CAAP1: variants seen among roughly 807,000 people sequenced by gnomAD.
CAAP1 encodes conserved anti-apoptotic protein.
In CAAP1, 20 loss-of-function variants were observed where a neutral mutation model predicts 34.0. The observed-to-expected ratio is 0.59, with a 90% CI of 0.41 to 0.86. The LOEUF is 0.86. Among genes scored for constraint, CAAP1 ranks in the 40% least tolerant of loss-of-function variants. The pLI is 0.00. For missense variants in CAAP1, 538 were observed against 450.5 expected (o/e 1.19, Z -1.76); for synonymous variants, 213 against 166.7 (o/e 1.28, Z -2.14).
chr9:26,880,257 T>A, intron 4 of CAAP1: 1 of 411,542 alleles, frequency 2.4e-6, no homozygotes, highest in Non-Finnish European at 4.8e-6. Context: ...CAGATAGGCC[T>A]CACTTGCCTC....
At chr9:26,879,381 G>A (rs549794091) in intron 4 of CAAP1, among the ~76,000 whole-genome samples, 5 of 152,136 alleles carry the variant, frequency 3.3e-5, no homozygotes, top group South Asian at 4.2e-4. Flanking sequence ...AATGCTTTAC[G>A]TCCCTGAATT....
chr9:26,872,574 T>TATATATATATATATATATATA (rs1563888459), intron 4 of CAAP1, among the ~76,000 whole-genome samples: 2 of 138,202 alleles, frequency 1.4e-5, no homozygotes, highest in African/African-American at 6.1e-5. Context: ...ATATATATAT[T>TATATATATATATATATATATA]TAGACAGAGT....
intron 5 of CAAP1, among the ~76,000 whole-genome samples, chr9:26,847,444 G>A (rs1004461178): frequency 6.6e-5 from 10 of 151,512 alleles, no homozygotes; most frequent in African/African-American, 2.4e-4. Flanking sequence ...TCGATCTCCT[G>A]ACCTCGTGAT....
intron 5 of CAAP1, among the ~76,000 whole-genome samples, chr9:26,851,100 G>A (rs1016813002): frequency 6.6e-6 from 1 of 152,210 alleles, no homozygotes; most frequent in Non-Finnish European, 1.5e-5. Flanking sequence ...AAAGGCCTTA[G>A]AAGTAGGTGA....
chr9:26,852,598 A>G (rs1179035157), intron 5 of CAAP1, among the ~76,000 whole-genome samples: 1 of 152,180 alleles, frequency 6.6e-6, no homozygotes, highest in Non-Finnish European at 1.5e-5. Context: ...ACTGGTGTAA[A>G]TAAGTTTAGA....
intron 4 of CAAP1, among the ~76,000 whole-genome samples, chr9:26,877,812 T>C (rs1823480377): frequency 6.6e-6 from 1 of 152,038 alleles, no homozygotes; most frequent in Non-Finnish European, 1.5e-5. Flanking sequence ...CAGAAAAATT[T>C]TCCTGTATTT....
chr9:26,864,386 C>T (rs960014444), intron 4 of CAAP1, among the ~76,000 whole-genome samples: 37 of 151,892 alleles, frequency 2.4e-4, no homozygotes, highest in South Asian at 4.2e-4. Flanking sequence ...ATTTCTTGTC[C>T]AAATGTAAAA....
chr9:26,875,645 TCA>T (rs1020208099), intron 4 of CAAP1, among the ~76,000 whole-genome samples: 6 of 150,800 alleles, frequency 4.0e-5, no homozygotes, highest in African/African-American at 1.5e-4. Context: ...TCCCCTTCAA[TCA>T]GAGTCTCATT....
chr9:26,864,923 T>C (rs1056236921), intron 4 of CAAP1, among the ~76,000 whole-genome samples: 1 of 152,344 alleles, frequency 6.6e-6, no homozygotes, highest in Middle Eastern at 3.4e-3. Context: ...ACTTATTATG[T>C]TATGCAGAAC....
chr9:26,852,320 TG>T (rs1032216173), intron 5 of CAAP1, among the ~76,000 whole-genome samples: 64 of 152,146 alleles, frequency 4.2e-4, no homozygotes, highest in African/African-American at 1.4e-3. Flanking sequence ...CTGGGCGTGG[TG>T]GTGTGCACCT....
intron 4 of CAAP1, 95 bp from the exon 5 acceptor site, chr9:26,861,234 G>GAC (rs1226836382): frequency 3.7e-6 from 3 of 818,590 alleles, no homozygotes; most frequent in African/African-American, 1.7e-5. Context: ...CACTAGGGAA[G>GAC]ACAGGCTACA....
At chr9:26,847,580 G>A (rs1020790647) in intron 5 of CAAP1, among the ~76,000 whole-genome samples, 4 of 152,034 alleles carry the variant, frequency 2.6e-5, no homozygotes, top group Non-Finnish European at 4.4e-5. Context: ...TTTTCCACGT[G>A]TGTATTGCCT....
At chr9:26,860,311 G>A (rs1822972831) in intron 5 of CAAP1, among the ~76,000 whole-genome samples, 1 of 152,132 alleles carries the variant, frequency 6.6e-6, no homozygotes, top group South Asian at 2.1e-4. Context: ...CTTTATTTCT[G>A]CTAGCTGGTA....
chr9:26,881,930 C>A (rs190548505), intron 4 of CAAP1, among the ~76,000 whole-genome samples: 2 of 152,118 alleles, frequency 1.3e-5, no homozygotes, highest in African/African-American at 4.8e-5. Flanking sequence ...TTGTTGGGAA[C>A]TGGAGTAAAG....
chr9:26,854,656 G>A (rs1291509243), intron 5 of CAAP1, among the ~76,000 whole-genome samples: 1 of 152,144 alleles, frequency 6.6e-6, no homozygotes, highest in African/African-American at 2.4e-5. Flanking sequence ...CAAAACATAT[G>A]TGACAAAGCA....
chr9:26,873,027 G>A lies in CAAP1; in HGVS notation c.665+11783C>T, dbSNP rs188824521. Among the ~76,000 whole-genome samples, 67 of 152,294 alleles carry A rather than the reference G, an allele frequency of 4.4e-4. No homozygotes were observed. The East Asian group carries it at 0.012, about 26-fold the overall frequency. On this transcript the variant is annotated intron_variant, in intron 4 of 5. Coordinates refer to ENST00000333916, the MANE Select transcript of CAAP1 (RefSeq NM_024828.4). ...TATAATCCTAGCACTTTGGGTGGCT[G>A]AGGCAGAAGGATCTCTTGAGCCAAG...
At chr9:26,889,224 C>G (rs753389780) in intron 1 of CAAP1, among the ~76,000 whole-genome samples, 2 of 151,974 alleles carry the variant, frequency 1.3e-5, no homozygotes, top group Non-Finnish European at 2.9e-5. Context: ...CGAGACCAGC[C>G]TGGCCAACAT....
intron 1 of CAAP1, among the ~76,000 whole-genome samples, chr9:26,891,557 T>A (rs1455077177): frequency 6.7e-6 from 1 of 149,086 alleles, no homozygotes; most frequent in Non-Finnish European, 1.5e-5. Flanking sequence ...AAGGTGTTTG[T>A]ATTGTAGTCA....
intron 4 of CAAP1, among the ~76,000 whole-genome samples, chr9:26,868,687 C>T (rs1214414360): frequency 6.6e-6 from 1 of 152,162 alleles, no homozygotes; most frequent in African/African-American, 2.4e-5. Flanking sequence ...GATATAGGAA[C>T]AAGTCAAATA....
Sources: allele counts gnomAD v4.1 joint callset (sites outside exome capture counted in the v4.1 genomes callset), GRCh38; gene constraint gnomAD v4.1.1; transcripts MANE v1.5; gene names NCBI Gene and HGNC (gene_info 2026-07-23, HGNC 2026-07-21).